Variants in SETDB2 observed in about 807,000 individuals in gnomAD.
The protein encoded by SETDB2 is SET domain bifurcated histone lysine methyltransferase 2.
SETDB2 carries 56 observed loss-of-function variants against 82.5 expected under a neutral mutation model. The observed-to-expected ratio is 0.68, with a 90% CI of 0.55 to 0.85. The LOEUF (loss-of-function observed/expected upper bound fraction) is 0.85. SETDB2 is among the 40% of genes least tolerant of loss of function. The pLI is 0.00. For synonymous variants in SETDB2, 272 were observed against 284.9 expected (o/e 0.95, Z 0.46); for missense variants, 677 against 816.4 (o/e 0.83, Z 2.08).
At chr13:49,470,392 T>C (rs1349320356) in intron 5 of SETDB2, among the ~76,000 whole-genome samples, 2 of 152,254 alleles carry the variant, frequency 1.3e-5, no homozygotes, top group Non-Finnish European at 2.9e-5. Context: ...ACTGGAATTA[T>C]GTTTAAATAA....
At chr13:49,480,686 T>G (rs575514075) in intron 7 of SETDB2, among the ~76,000 whole-genome samples, 14 of 152,316 alleles carry the variant, frequency 9.2e-5, no homozygotes, top group African/African-American at 3.4e-4. Context: ...TCACTTAATC[T>G]TCACAAAGCA....
At chr13:49,474,370 C>G (rs1958311661) in intron 5 of SETDB2, among the ~76,000 whole-genome samples, 1 of 152,168 alleles carries the variant, frequency 6.6e-6, no homozygotes, top group Non-Finnish European at 1.5e-5. Flanking sequence ...TCTGTGAAAA[C>G]AGGCACTCTC....
intron 11 of SETDB2, 93 bp from the exon 12 acceptor site, chr13:49,488,193 ATAAT>A (rs1958634212): frequency 6.8e-7 from 1 of 1,467,782 alleles, no homozygotes; most frequent in South Asian, 1.5e-5. Context: ...GTAAGGATCG[ATAAT>A]TAAAGCACCT....
intron 2 of SETDB2, among the ~76,000 whole-genome samples, chr13:49,453,063 T>TC (rs1292085425): frequency 6.6e-6 from 1 of 152,120 alleles, no homozygotes; most frequent in African/African-American, 2.4e-5. Flanking sequence ...GGATTTATGC[T>TC]CCCCCTCCTT....
At chr13:49,446,054 A>G (rs1957678376) in intron 1 of SETDB2, 1 of 241,096 alleles carries the variant, frequency 4.1e-6, no homozygotes, top group Non-Finnish European at 8.2e-6. Context: ...CATAGACCTC[A>G]TGTCTAAAAA....
chr13:49,457,911 A>G (rs1284082579), intron 2 of SETDB2, among the ~76,000 whole-genome samples: 1 of 152,192 alleles, frequency 6.6e-6, no homozygotes, highest in African/African-American at 2.4e-5. Context: ...AATACATCTC[A>G]ATGTCCACCT....
intron 12 of SETDB2, among the ~76,000 whole-genome samples, chr13:49,490,446 A>T (rs1958689878): frequency 6.6e-6 from 1 of 152,214 alleles, no homozygotes; most frequent in Non-Finnish European, 1.5e-5. Flanking sequence ...GTTATTTCCA[A>T]ACCTTTAGCA....
intron 6 of SETDB2, among the ~76,000 whole-genome samples, chr13:49,479,468 G>T (rs1459081361): frequency 2.6e-5 from 4 of 152,116 alleles, no homozygotes; most frequent in Admixed American, 2.6e-4. Flanking sequence ...CTTTTCTCTT[G>T]CAAACAGCAG....
intron 2 of SETDB2, among the ~76,000 whole-genome samples, chr13:49,453,185 C>G (rs1957814742): frequency 6.6e-6 from 1 of 152,104 alleles, no homozygotes; most frequent in Non-Finnish European, 1.5e-5. Flanking sequence ...TCAGCATGGA[C>G]TCATGGCTAT....
At chr13:49,462,418 A>G (rs1166402344) in intron 4 of SETDB2, among the ~76,000 whole-genome samples, 2 of 152,180 alleles carry the variant, frequency 1.3e-5, no homozygotes, top group Non-Finnish European at 2.9e-5. Flanking sequence ...TATGTCAGGA[A>G]CTGGGGATTA....
At chr13:49,482,693 A>AT in intron 8 of SETDB2, 44 bp from the exon 9 acceptor site, 5 of 1,267,424 alleles carry the variant, frequency 3.9e-6, no homozygotes, top group Non-Finnish European at 5.6e-6. Context: ...ATCATTAGCA[A>AT]TTATCTTCTG....
At chr13:49,484,033 G>A (rs1011281313) in intron 10 of SETDB2, among the ~76,000 whole-genome samples, 16 of 152,104 alleles carry the variant, frequency 1.1e-4, no homozygotes, top group Non-Finnish European at 1.9e-4. Flanking sequence ...AATGGTGGAC[G>A]GTGGAAATGC....
chr13:49,460,351 A>G (rs1291189358), intron 3 of SETDB2, 119 bp downstream of exon 3: 3 of 1,021,098 alleles, frequency 2.9e-6, no homozygotes, highest in Non-Finnish European at 4.1e-6. Flanking sequence ...ATTACTTTTG[A>G]ATAATACCTA....
At chr13:49,476,147 G>GTAT (rs1958354529) in intron 5 of SETDB2, among the ~76,000 whole-genome samples, 1 of 152,050 alleles carries the variant, frequency 6.6e-6, no homozygotes, top group Non-Finnish European at 1.5e-5. Context: ...TAGGTATAAG[G>GTAT]CAGACCTGGT....
intron 5 of SETDB2, among the ~76,000 whole-genome samples, chr13:49,471,934 A>ATATATATATATATT (rs1378783393): frequency 1.7e-4 from 20 of 119,260 alleles, no homozygotes; most frequent in Middle Eastern, 4.0e-3. Context: ...ATATATATAT[A>ATATATATATATATT]TTTTTTTTTT....
intron 8 of SETDB2, chr13:49,481,893 T>C (rs1024128159): frequency 9.0e-6 from 2 of 222,846 alleles, no homozygotes; most frequent in Non-Finnish European, 7.5e-6. Context: ...ATTACTCATC[T>C]GAAAAATCAG....
At chr13:49,467,738 T>TA (rs1958146268) in intron 4 of SETDB2, 126 bp from the exon 5 acceptor site, 1 of 519,544 alleles carries the variant, frequency 1.9e-6, no homozygotes, top group Non-Finnish European at 3.2e-6. Context: ...CTTGAAACCT[T>TA]ACTATGTTTG....
intron 1 of SETDB2, among the ~76,000 whole-genome samples, chr13:49,448,321 A>T (rs1192775903): frequency 6.6e-6 from 1 of 152,064 alleles, no homozygotes; most frequent in Non-Finnish European, 1.5e-5. Context: ...GTAGCTAGAG[A>T]TCTATCTTCA....
chr13:49,485,053 C>T (rs1342716537), intron 10 of SETDB2, among the ~76,000 whole-genome samples: 1 of 152,222 alleles, frequency 6.6e-6, no homozygotes, highest in Non-Finnish European at 1.5e-5. Flanking sequence ...GTGCTCAATA[C>T]ATGTTGACCA....
Sources: allele counts gnomAD v4.1 joint callset (sites outside exome capture counted in the v4.1 genomes callset), GRCh38; gene constraint gnomAD v4.1.1; transcripts MANE v1.5; gene names NCBI Gene and HGNC (gene_info 2026-07-23, HGNC 2026-07-21).